Variants in RXFP1 observed in about 807,000 individuals in gnomAD.
The protein encoded by RXFP1 is relaxin receptor 1.
A neutral mutation model predicts 89.8 loss-of-function variants in RXFP1; 73 were observed. The observed-to-expected ratio is 0.81, with a 90% CI of 0.67 to 0.99. The LOEUF (loss-of-function observed/expected upper bound fraction) is 0.99, where lower values mean the gene tolerates loss of function less well. Among genes scored for constraint, RXFP1 ranks in the 50% least tolerant of loss-of-function variants. The pLI, the probability that RXFP1 is intolerant of heterozygous loss-of-function variation, is 0.00. For missense variants in RXFP1, 793 were observed against 895.5 expected (o/e 0.89, Z 1.46); for synonymous variants, 277 against 305.5 (o/e 0.91, Z 0.97).
At chr4:158,628,535 T>C in intron 10 of RXFP1, 103 bp from the exon 11 acceptor site, 2 of 479,338 alleles carry the variant, frequency 4.2e-6, no homozygotes, top group South Asian at 8.5e-5. Context: ...GTGAAAAATG[T>C]ACTGTATATT....
intron 4 of RXFP1, among the ~76,000 whole-genome samples, chr4:158,600,623 T>A (rs1389407893): frequency 6.6e-6 from 1 of 152,066 alleles, no homozygotes; most frequent in East Asian, 1.9e-4. Flanking sequence ...GTATAAGAAT[T>A]TATGAATAGT....
At chr4:158,547,619 G>C (rs1748833234) in intron 1 of RXFP1, among the ~76,000 whole-genome samples, 2 of 151,912 alleles carry the variant, frequency 1.3e-5, no homozygotes, top group Admixed American at 1.3e-4. Context: ...ACACTGCTTT[G>C]AATGCATCCC....
In RXFP1 at chr4:158,644,605, C is replaced by T. The variant is rs116038970; in HGVS notation, c.1116-304C>T. ...ATACTAACCATTGCGAGTACGATAACGGTTTCTCTGGAGGGATTCATTCTC... is the reference window on the plus strand; with the variant it reads ...ATACTAACCATTGCGAGTACGATAATGGTTTCTCTGGAGGGATTCATTCTC... On this transcript the variant is annotated intron_variant, in intron 14 of 17. Transcript: ENST00000307765. Among the ~76,000 whole-genome samples the T allele has an allele frequency of 8.8e-3, 1,333 of 152,236 alleles. 21 individuals carry two copies. The highest frequency in any genetic ancestry group is 0.03 in the African/African-American group (1,265 of 41,528).
chr4:158,635,691 G>A (rs934765056), intron 12 of RXFP1, among the ~76,000 whole-genome samples: 2 of 151,940 alleles, frequency 1.3e-5, no homozygotes, highest in Admixed American at 1.3e-4. Context: ...TTTATTTTTA[G>A]TTTGCTGAGT....
chr4:158,527,564 A>AT lies in RXFP1; in HGVS notation c.49+5539_49+5540insT, dbSNP rs1553989393. Among the ~76,000 whole-genome samples, 665 of 98,340 alleles carry AT rather than the reference A, an allele frequency of 6.8e-3. 5 individuals are homozygous for AT. The highest frequency in any genetic ancestry group is 0.022 in the African/African-American group (627 of 28,548). 64.5% of individuals were successfully genotyped at this position (98,340 alleles called of 152,430 possible). ...ATCTCCCCCGCTCCAAAAAAAAAAAAATATATATATATATGTATATATATA... is the reference window on the plus strand; with the variant it reads ...ATCTCCCCCGCTCCAAAAAAAAAAAATATATATATATATATGTATATATATA... On this transcript the variant is annotated intron_variant, in intron 1 of 17. Transcript: ENST00000307765.
chr4:158,623,342 C>CAAAAAAAAAAAAA, intron 9 of RXFP1, among the ~76,000 whole-genome samples: 1 of 106,332 alleles, frequency 9.4e-6, no homozygotes, highest in Non-Finnish European at 2.1e-5. Flanking sequence ...CTACTAAATA[C>CAAAAAAAAAAAAA]AAAAAAAAAA....
intron 1 of RXFP1, among the ~76,000 whole-genome samples, chr4:158,531,872 G>T (rs539988042): frequency 5.3e-5 from 8 of 152,132 alleles, no homozygotes; most frequent in African/African-American, 1.7e-4. Flanking sequence ...TTAAAATGAG[G>T]CACTTTTTCT....
At chr4:158,636,399 G>A (rs941306777) in intron 12 of RXFP1, among the ~76,000 whole-genome samples, 2 of 152,010 alleles carry the variant, frequency 1.3e-5, no homozygotes, top group Non-Finnish European at 2.9e-5. Context: ...TAGGCAAAAT[G>A]TGAAGTAGAT....
intron 10 of RXFP1, among the ~76,000 whole-genome samples, chr4:158,627,906 A>G (rs527787566): frequency 3.3e-5 from 5 of 152,226 alleles, no homozygotes; most frequent in African/African-American, 1.2e-4. Flanking sequence ...TTTTAAGGAA[A>G]CCTCTGTATT....
intron 10 of RXFP1, among the ~76,000 whole-genome samples, chr4:158,627,504 G>GGTGT (rs35872724): frequency 0.015 from 2,107 of 143,408 alleles, 39 homozygotes; most frequent in African/African-American, 0.045. Context: ...TGAGCCTTAG[G>GGTGT]GTGTGTGTGT....
At chr4:158,532,384 T>C (rs1308046312) in intron 1 of RXFP1, among the ~76,000 whole-genome samples, 2 of 152,130 alleles carry the variant, frequency 1.3e-5, no homozygotes, top group East Asian at 1.9e-4. Context: ...AGTGCTGTGA[T>C]AAACATATAT....
intron 2 of RXFP1, 104 bp from the exon 3 acceptor site, chr4:158,593,297 T>G: frequency 1.9e-6 from 1 of 516,672 alleles, no homozygotes; most frequent in South Asian, 3.9e-5. Flanking sequence ...CTCGCTACAT[T>G]TGGAGAAACC....
At chr4:158,646,355 C>G (rs762410911) in intron 15 of RXFP1, 3 of 559,444 alleles carry the variant, frequency 5.4e-6, no homozygotes, top group South Asian at 4.6e-5. Context: ...TTACTTTCTC[C>G]AAGATTTTAT....
At chr4:158,601,484 T>A (rs1330433239) in intron 4 of RXFP1, among the ~76,000 whole-genome samples, 2 of 152,204 alleles carry the variant, frequency 1.3e-5, no homozygotes, top group East Asian at 3.9e-4. Context: ...GTCTACGGTA[T>A]TTTTTATTTT....
intron 1 of RXFP1, among the ~76,000 whole-genome samples, chr4:158,572,113 C>G (rs1174244381): frequency 2.0e-5 from 3 of 152,190 alleles, no homozygotes; most frequent in African/African-American, 7.2e-5. Flanking sequence ...CAAAATCAAT[C>G]GTGTTCTGCC....
At chr4:158,587,108 T>A (rs1232001626) in intron 2 of RXFP1, among the ~76,000 whole-genome samples, 1 of 152,134 alleles carries the variant, frequency 6.6e-6, no homozygotes, top group Non-Finnish European at 1.5e-5. Flanking sequence ...TCACTGATCC[T>A]GAGGTAGGTG....
chr4:158,548,523 TTGA>T (rs1749158265), intron 1 of RXFP1, among the ~76,000 whole-genome samples: 1 of 152,348 alleles, frequency 6.6e-6, no homozygotes, highest in East Asian at 1.9e-4. Context: ...TGCTCGTTAG[TTGA>T]TGCAGTTTCT....
At chr4:158,536,647 A>G (rs889654748) in intron 1 of RXFP1, among the ~76,000 whole-genome samples, 4 of 152,186 alleles carry the variant, frequency 2.6e-5, no homozygotes, top group Admixed American at 6.5e-5. Context: ...TACTGTATAC[A>G]GTATGAGCAA....
intron 2 of RXFP1, among the ~76,000 whole-genome samples, chr4:158,588,886 C>T (rs1561074855): frequency 6.6e-6 from 1 of 152,170 alleles, no homozygotes; most frequent in Non-Finnish European, 1.5e-5. Context: ...AGATTTCAGT[C>T]AACAATCTAG....
Sources: allele counts gnomAD v4.1 joint callset (sites outside exome capture counted in the v4.1 genomes callset), GRCh38; gene constraint gnomAD v4.1.1; transcripts MANE v1.5; gene names NCBI Gene and HGNC (gene_info 2026-07-23, HGNC 2026-07-21).